MGA: variants seen among roughly 807,000 people sequenced by gnomAD.
MGA encodes the protein MAX gene-associated protein.
In MGA, 40 loss-of-function variants were observed where a neutral mutation model predicts 261.1. The ratio of observed to expected loss-of-function variants is 0.15; its 90% CI spans 0.12 to 0.20. The LOEUF (loss-of-function observed/expected upper bound fraction) is 0.20, where lower values mean the gene tolerates loss of function less well. Among genes scored for constraint, MGA ranks in the 10% least tolerant of loss-of-function variants. The pLI is 1.00. For synonymous variants in MGA, 1,302 were observed against 1,290.6 expected (o/e 1.01, Z -0.19); for missense variants, 3,397 against 3,630.5 (o/e 0.94, Z 1.65).
intron 1 of MGA, among the ~76,000 whole-genome samples, chr15:41,625,218 A>G (rs541486018): frequency 1.3e-5 from 2 of 152,340 alleles, no homozygotes; most frequent in South Asian, 2.1e-4. Context: ...ACAAAGATTG[A>G]TACAGTTATT....
At chr15:41,739,788 C>T (rs1225819668) in intron 13 of MGA, 118 bp from the exon 14 acceptor site, 1 of 991,496 alleles carries the variant, frequency 1.0e-6, no homozygotes, top group Non-Finnish European at 1.4e-6. Context: ...CTTCTTTTTC[C>T]CTTTTAAATC....
chr15:41,637,185 A>G (rs2056727684), intron 1 of MGA, among the ~76,000 whole-genome samples: 1 of 152,092 alleles, frequency 6.6e-6, no homozygotes, highest in South Asian at 2.1e-4. Context: ...AAGAGTGAGT[A>G]TTGTTTTGGG....
chr15:41,748,006 C>T (rs1012386634), intron 15 of MGA, among the ~76,000 whole-genome samples: 1 of 152,254 alleles, frequency 6.6e-6, no homozygotes. Flanking sequence ...GCTGCAGTCC[C>T]AGCACTTTGG....
intron 2 of MGA, among the ~76,000 whole-genome samples, chr15:41,690,405 T>A (rs1299192857): frequency 6.6e-6 from 1 of 152,220 alleles, no homozygotes; most frequent in Non-Finnish European, 1.5e-5. Context: ...TACAAGTCTT[T>A]GCGTGAACAC....
chr15:41,654,768 C>T (rs1464886603), intron 1 of MGA, among the ~76,000 whole-genome samples: 2 of 152,160 alleles, frequency 1.3e-5, no homozygotes, highest in Non-Finnish European at 2.9e-5. Context: ...TCCACCTCCT[C>T]CTCCCAAAGT....
At chr15:41,708,317 T>G (rs1040700831) in intron 7 of MGA, 109 bp downstream of exon 7, 2 of 826,390 alleles carry the variant, frequency 2.4e-6, no homozygotes, top group Admixed American at 2.8e-5. Flanking sequence ...CCATGGGTTT[T>G]TTGTTGTTGT....
intron 9 of MGA, chr15:41,718,314 T>C (rs2060757535): frequency 8.2e-6 from 2 of 244,424 alleles, no homozygotes; most frequent in Admixed American, 1.1e-4. Flanking sequence ...TATATATATA[T>C]ATATATACAT....
rs749899145 is a variant in MGA, at chr15:41,696,676, A to G, written c.1666A>G (p.Ile556Val). ...AGAGCCTCAGTGGAAATATCCTGATATATCTGACAGCATTAGCACAGAAAG... is the reference window on the plus strand; with the variant it reads ...AGAGCCTCAGTGGAAATATCCTGATGTATCTGACAGCATTAGCACAGAAAG... Residue 556 changes from isoleucine (I) to valine (V), a missense_variant, in exon 3 of 24, where the codon ATA (isoleucine) becomes GTA (valine). Coordinates refer to ENST00000219905, the MANE Select transcript of MGA (RefSeq NM_001164273.2). 24 of 1,612,852 alleles carry G rather than the reference A, an allele frequency of 1.5e-5. No homozygotes were observed. The African/African-American group carries it at 1.9e-4, about 13-fold the overall frequency.
chr15:41,720,906 TAAAG>T (rs763054514), intron 9 of MGA, among the ~76,000 whole-genome samples: 51 of 152,254 alleles, frequency 3.3e-4, no homozygotes, highest in Non-Finnish European at 4.7e-4. Flanking sequence ...GGCGAAGAAA[TAAAG>T]AAAGAATGAT....
At chr15:41,647,389 A>G (rs889984229) in intron 1 of MGA, among the ~76,000 whole-genome samples, 2 of 152,040 alleles carry the variant, frequency 1.3e-5, no homozygotes, top group African/African-American at 4.8e-5. Context: ...CCTGATATTC[A>G]TTTACTTCCT....
chr15:41,703,899 C>T lies in MGA; in HGVS notation c.2189-3829C>T, dbSNP rs572603361. On this transcript the variant is annotated intron_variant, in intron 5 of 23. Transcript: ENST00000219905. ...GAACATGGCTCACTGCAGTCTCGAC[C>T]TCCTGAGCCCCAGTGATCACATGTC... Among the ~76,000 whole-genome samples, 3 of 152,310 alleles carry T rather than the reference C, an allele frequency of 2.0e-5. No individual in the cohort carries two copies. In the East Asian group the frequency reaches 5.8e-4, roughly 29 times the overall value.
Position 41,696,531 on chromosome 15 carries a change from T to C in MGA, c.1521T>C (p.Tyr507=), listed in dbSNP as rs1793166077. Residue 507 remains tyrosine, a synonymous_variant, in exon 3 of 24, where the codon TAT becomes TAC. Coordinates refer to ENST00000219905, the MANE Select transcript of MGA (RefSeq NM_001164273.2). ...CTTCTATGTTGGCAGAATTGGAATA[T>C]TTGCCTACATACATTGAAAATTCCA... The C allele has an allele frequency of 5.6e-6, 9 of 1,613,988 alleles. No individual in the cohort carries two copies. The highest frequency in any genetic ancestry group is 7.6e-6 in the Non-Finnish European group (9 of 1,179,896).
intron 1 of MGA, among the ~76,000 whole-genome samples, chr15:41,623,773 ATATTTTT>A (rs755740577): frequency 4.8e-5 from 5 of 104,688 alleles, no homozygotes; most frequent in African/African-American, 1.2e-4. Context: ...ATATATATAT[ATATTTTT>A]TTTTTTTTTT....
chr15:41,713,185 T>C lies in MGA; in HGVS notation c.3119T>C (p.Ile1040Thr). 6.2e-7 allele frequency: 1 copy of C among 1,613,746 alleles called. No homozygotes were observed. Among genetic ancestry groups the C allele is most frequent in the African/African-American group, 1.3e-5 (1 of 75,044 alleles). ...AAAACTAAACCTATCCACACAATCATAAGGAAACGAGCCCCTCCCTGCAAC... is the reference window on the plus strand; with the variant it reads ...AAAACTAAACCTATCCACACAATCACAAGGAAACGAGCCCCTCCCTGCAAC... Residue 1040 changes from isoleucine (I) to threonine (T), a missense_variant, in exon 9 of 24, where the codon ATA (isoleucine) becomes ACA (threonine). Ile to Thr is a moderately conservative substitution (Grantham distance 89). Around this residue, in one of 9 missense-constraint regions of MGA, gnomAD observed 519 missense variants for 554.1 expected, o/e 0.94. Coordinates refer to ENST00000219905, the MANE Select transcript of MGA (RefSeq NM_001164273.2).
chr15:41,742,843 A>C lies in MGA; in HGVS notation c.4883A>C (p.Tyr1628Ser), dbSNP rs1471625055. ...GACGTGGAAACTAAAGAAACTACTT[A>C]TTCTTCTGGTGCCACCACTACAGGG... is the stretch of plus-strand genomic sequence containing the variant. The change falls in exon 15 of 24, where the codon TAT (tyrosine) becomes TCT (serine). Residue 1628 changes from tyrosine to serine, a missense_variant. Coordinates refer to ENST00000219905, the MANE Select transcript of MGA (RefSeq NM_001164273.2). The C allele has an allele frequency of 1.9e-6, 3 of 1,613,834 alleles. No homozygotes were observed. Among genetic ancestry groups the C allele is most frequent in the South Asian group, 1.1e-5 (1 of 91,092 alleles).
At chr15:41,703,839 T>G (rs1263591929) in intron 5 of MGA, among the ~76,000 whole-genome samples, 2 of 152,220 alleles carry the variant, frequency 1.3e-5, no homozygotes, top group African/African-American at 4.8e-5. Context: ...AGGGTCTCGC[T>G]TTGTCACCCA....
chr15:41,734,304 C>T (rs2061661932), intron 11 of MGA, among the ~76,000 whole-genome samples: 1 of 151,886 alleles, frequency 6.6e-6, no homozygotes, highest in South Asian at 2.1e-4. Context: ...TTCTTGATGA[C>T]TCAGTCACTA....
intron 1 of MGA, among the ~76,000 whole-genome samples, chr15:41,665,400 T>G (rs2057670948): frequency 6.6e-6 from 1 of 152,048 alleles, no homozygotes; most frequent in Non-Finnish European, 1.5e-5. Context: ...TGGTTTTTTT[T>G]TTTTGAGACA....
At position 41,766,702 on chromosome 15, in the gene MGA, A is replaced by G. The variant is rs116439074; in HGVS notation, c.8620A>G (p.Thr2874Ala). ...TAAGGTTCCTCCTGGAAGCAGAGCA[A>G]CTTTCCAGGTTGAGCACTTGGGAAC... The change falls in exon 24 of 24, where the codon ACT becomes GCT. Residue 2874 changes from threonine to alanine, a missense_variant. Thr to Ala is a moderately conservative substitution (Grantham distance 58). Transcript: ENST00000219905. 4.4e-3 allele frequency: 7,174 copies of G among 1,613,962 alleles called. 258 individuals carry two copies. In the African/African-American group the frequency reaches 0.085, roughly 19 times the overall value.
Sources: allele counts gnomAD v4.1 joint callset (sites outside exome capture counted in the v4.1 genomes callset), GRCh38; gene constraint gnomAD v4.1.1; regional missense constraint gnomAD v4.1.1; transcripts MANE v1.5; gene names NCBI Gene and HGNC (gene_info 2026-07-23, HGNC 2026-07-21).